PTPRN2: variants seen among roughly 807,000 people sequenced by gnomAD.
PTPRN2 encodes the protein protein tyrosine phosphatase receptor type N2.
PTPRN2 carries 74 observed loss-of-function variants against 118.8 expected under a neutral mutation model. That is an observed-to-expected ratio of 0.62 (90% confidence interval 0.52 to 0.76). The LOEUF (loss-of-function observed/expected upper bound fraction) is 0.76, where lower values mean the gene tolerates loss of function less well. PTPRN2 is among the 30% of genes least tolerant of loss of function. The probability of loss-of-function intolerance (pLI) is 0.00; values close to 1 mark genes in which losing one functional copy is unlikely to be tolerated. For missense variants in PTPRN2, 1,481 were observed against 1,394.4 expected (o/e 1.06, Z -0.99); for synonymous variants, 641 against 608.0 (o/e 1.05, Z -0.80).
chr7:158,411,852 C>T (rs895264075), intron 2 of PTPRN2, among the ~76,000 whole-genome samples: 1 of 152,262 alleles, frequency 6.6e-6, no homozygotes, highest in Non-Finnish European at 1.5e-5. Context: ...GGACAATAGG[C>T]CCATCTCGTT....
intron 12 of PTPRN2, among the ~76,000 whole-genome samples, chr7:157,756,152 C>T (rs749807924): frequency 1.3e-4 from 20 of 152,244 alleles, no homozygotes; most frequent in Admixed American, 1.3e-3. Flanking sequence ...CAAAGAATTA[C>T]GTGTATGTGT....
rs1333474290 is a variant in PTPRN2, at chr7:158,565,548, T to A, written c.112+22010A>T. On this transcript the variant is annotated intron_variant, in intron 1 of 22. Coordinates refer to ENST00000389418, the MANE Select transcript of PTPRN2 (RefSeq NM_002847.5). This position sits in a 1 kb window ranked among gnomAD's most constrained non-coding sequence, Gnocchi z 4.6. ...CAGCTCAATGGTGAGAAATCTTAAC[T>A]CGGACGGCAAACTTCCCGTCTGGGA... Among the ~76,000 whole-genome samples the A allele has an allele frequency of 7.9e-5, 12 of 152,086 alleles. No homozygotes were observed. The highest frequency in any genetic ancestry group is 7.9e-4 in the Admixed American group (12 of 15,268).
intron 3 of PTPRN2, among the ~76,000 whole-genome samples, chr7:158,209,122 AAGT>A (rs1388450119): frequency 6.6e-6 from 1 of 151,978 alleles, no homozygotes; most frequent in Admixed American, 6.5e-5. Flanking sequence ...TTAAAAAAAA[AAGT>A]AAGGAAAGAA....
chr7:158,506,582 C>A (rs1227821551), intron 1 of PTPRN2, among the ~76,000 whole-genome samples: 1 of 151,862 alleles, frequency 6.6e-6, no homozygotes, highest in Non-Finnish European at 1.5e-5. Context: ...TGAATGGGAG[C>A]CCTACAGGCC....
At chr7:158,075,548 C>T (rs982382351) in intron 11 of PTPRN2, among the ~76,000 whole-genome samples, 6 of 152,208 alleles carry the variant, frequency 3.9e-5, no homozygotes, top group Admixed American at 2.0e-4. Context: ...CCTGCGGGGC[C>T]CACTGTGCAG....
intron 2 of PTPRN2, among the ~76,000 whole-genome samples, chr7:158,318,582 G>A (rs1802542144): frequency 6.6e-6 from 1 of 152,204 alleles, no homozygotes; most frequent in African/African-American, 2.4e-5. Context: ...GGCCTCTTCC[G>A]ATCCCTGAGG....
chr7:157,652,082 C>G (rs10243684), intron 14 of PTPRN2, among the ~76,000 whole-genome samples: 1,893 of 152,302 alleles, frequency 0.012, 34 homozygotes, highest in African/African-American at 0.043. Context: ...CTTAGTTCAT[C>G]CCAGAAGAAA....
Position 157,628,289 on chromosome 7 carries a change from G to A in PTPRN2, c.2197-6780C>T, listed in dbSNP as rs553914421. ...ACAAATGTCGTCAGCACCGTCTTCC[G>A]GTCAAATGGTCAACACCTTGAGGTC... On this transcript the variant is annotated intron_variant, in intron 14 of 22. Transcript: ENST00000389418. Among the ~76,000 whole-genome samples, 26 of 152,296 alleles carry A rather than the reference G, an allele frequency of 1.7e-4. No homozygotes were observed. In the South Asian group the frequency reaches 4.8e-3, roughly 28 times the overall value.
chr7:158,499,890 T>C (rs1290400028), intron 1 of PTPRN2, among the ~76,000 whole-genome samples: 1 of 151,388 alleles, frequency 6.6e-6, no homozygotes, highest in Non-Finnish European at 1.5e-5. Context: ...GTGGGGAAAA[T>C]CATACATCAA....
intron 12 of PTPRN2, among the ~76,000 whole-genome samples, chr7:157,745,355 G>A (rs1344026669): frequency 2.7e-5 from 4 of 149,674 alleles, no homozygotes; most frequent in African/African-American, 9.8e-5. Context: ...CATTGCTCCA[G>A]ACGAACGCAA....
intron 2 of PTPRN2, among the ~76,000 whole-genome samples, chr7:158,337,572 G>A (rs1805908503): frequency 7.3e-6 from 1 of 137,288 alleles, no homozygotes. Context: ...CACCATAATT[G>A]GTGACACCTG....
intron 12 of PTPRN2, chr7:157,866,216 A>G (rs1290813276): frequency 6.6e-6 from 1 of 152,230 alleles, no homozygotes; most frequent in Non-Finnish European, 1.5e-5. Flanking sequence ...CCGGGGCTCA[A>G]ATCCCATCCT....
chr7:158,145,999 T>A (rs955585174), intron 6 of PTPRN2, among the ~76,000 whole-genome samples: 2 of 152,192 alleles, frequency 1.3e-5, no homozygotes, highest in African/African-American at 4.8e-5. Context: ...AAGTGCTTAA[T>A]AAATTATAAC....
At chr7:158,217,927 G>T (rs566637522) in intron 3 of PTPRN2, among the ~76,000 whole-genome samples, 1 of 152,268 alleles carries the variant, frequency 6.6e-6, no homozygotes, top group African/African-American at 2.4e-5. Flanking sequence ...TAAAACCTCT[G>T]AAAAGTATGG....
Position 158,081,314 on chromosome 7 carries a change from A to G in PTPRN2, c.1707T>C (p.Asp569=). ...SANVQNVTTE[D]VEKATVDNKD... is the part of the protein sequence containing the mutation. Reference sequence around the variant, plus strand: ...CAGCCTCACCTGTGGCCTTCTCCACATCCTCAGTGGTCACGTTTTGGACAT... The same window carrying G: ...CAGCCTCACCTGTGGCCTTCTCCACGTCCTCAGTGGTCACGTTTTGGACAT... Residue 569 remains aspartate (D), a synonymous_variant, in exon 11 of 23, where the codon GAT becomes GAC. Transcript: ENST00000389418. 6.2e-7 allele frequency: 1 copy of G among 1,614,156 alleles called. No individual in the cohort carries two copies.
At chr7:158,329,504 G>A (rs529493377) in intron 2 of PTPRN2, among the ~76,000 whole-genome samples, 2 of 152,258 alleles carry the variant, frequency 1.3e-5, no homozygotes, top group Non-Finnish European at 2.9e-5. Context: ...GACGGCTCAC[G>A]CTCCAGCCAC....
intron 2 of PTPRN2, among the ~76,000 whole-genome samples, chr7:158,477,260 G>T (rs889516397): frequency 2.7e-4 from 41 of 152,132 alleles, no homozygotes; most frequent in African/African-American, 9.9e-4. Flanking sequence ...TGCAAAGATG[G>T]TTAGACCATT....
chr7:157,553,430 T>C (rs1306594225), intron 21 of PTPRN2, among the ~76,000 whole-genome samples: 1 of 152,228 alleles, frequency 6.6e-6, no homozygotes, highest in Non-Finnish European at 1.5e-5. Flanking sequence ...CCGCGTGCAC[T>C]GATCTCTGGA....
intron 6 of PTPRN2, among the ~76,000 whole-genome samples, chr7:158,149,998 C>G (rs1031968894): frequency 6.6e-6 from 1 of 152,164 alleles, no homozygotes; most frequent in Admixed American, 6.5e-5. Context: ...TGTTAAGCCT[C>G]ATTACAGACA....
Sources: allele counts gnomAD v4.1 joint callset (sites outside exome capture counted in the v4.1 genomes callset), GRCh38; gene constraint gnomAD v4.1.1; non-coding constraint Gnocchi (gnomAD v3.1); transcripts MANE v1.5; gene names NCBI Gene and HGNC (gene_info 2026-07-23, HGNC 2026-07-21).